C8orf34: variants seen among roughly 807,000 people sequenced by gnomAD.
The protein encoded by C8orf34 is chromosome 8 open reading frame 34.
C8orf34 carries 65 observed loss-of-function variants against 68.3 expected under a neutral mutation model. The observed-to-expected ratio is 0.95, with a 90% CI of 0.78 to 1.17. The LOEUF is 1.17. C8orf34 is among the 50% of genes most tolerant of loss of function. The pLI, the probability that C8orf34 is intolerant of heterozygous loss-of-function variation, is 0.00. For synonymous variants in C8orf34, 244 were observed against 241.2 expected, an observed-to-expected ratio of 1.01 and a Z score of -0.11; for missense variants, 664 against 655.4, an observed-to-expected ratio of 1.01 and a Z score of -0.14.
intron 8 of C8orf34, among the ~76,000 whole-genome samples, chr8:68,672,397 C>T (rs1056388073): frequency 6.6e-6 from 1 of 152,134 alleles, no homozygotes; most frequent in Non-Finnish European, 1.5e-5. Flanking sequence ...TTGCCAAGGC[C>T]ACCCTACACC....
At chr8:68,371,254 A>G (rs1807547948) in intron 1 of C8orf34, among the ~76,000 whole-genome samples, 1 of 152,142 alleles carries the variant, frequency 6.6e-6, no homozygotes, top group African/African-American at 2.4e-5. Flanking sequence ...TGTGAATTCA[A>G]ATTTCATTGT....
upstream of C8orf34, chr8:68,330,844 C>G (rs769839886): frequency 1.8e-6 from 1 of 553,536 alleles, no homozygotes; most frequent in Non-Finnish European, 3.0e-6. Flanking sequence ...GAGTTCGAGC[C>G]CCGCGGCCCC....
intron 12 of C8orf34, among the ~76,000 whole-genome samples, chr8:68,813,037 G>A (rs892169025): frequency 6.6e-6 from 1 of 152,302 alleles, no homozygotes; most frequent in African/African-American, 2.4e-5. Context: ...CACGTGCTTT[G>A]TCATGTATTG....
intron 7 of C8orf34, among the ~76,000 whole-genome samples, chr8:68,597,286 C>T (rs1817572475): frequency 6.6e-6 from 1 of 152,018 alleles, no homozygotes; most frequent in South Asian, 2.1e-4. Context: ...GTCACATGCG[C>T]ATTCTCATGT....
chr8:68,344,707 T>C (rs1394491158), intron 1 of C8orf34, among the ~76,000 whole-genome samples: 2 of 152,086 alleles, frequency 1.3e-5, no homozygotes, highest in African/African-American at 2.4e-5. Context: ...ATAGAAAGAA[T>C]AGAGCAAATT....
intron 1 of C8orf34, among the ~76,000 whole-genome samples, chr8:68,352,056 T>C (rs1585967023): frequency 6.6e-6 from 1 of 152,160 alleles, no homozygotes; most frequent in East Asian, 1.9e-4. Context: ...TTTTTTACTG[T>C]CGAGTTTTAA....
intron 8 of C8orf34, among the ~76,000 whole-genome samples, chr8:68,701,496 A>G (rs1220939201): frequency 6.6e-6 from 1 of 151,634 alleles, no homozygotes; most frequent in African/African-American, 2.4e-5. Flanking sequence ...TCTGTTGCTC[A>G]GGTCAGAAAT....
intron 10 of C8orf34, among the ~76,000 whole-genome samples, chr8:68,759,193 A>G (rs1822957650): frequency 6.6e-6 from 1 of 152,172 alleles, no homozygotes; most frequent in Non-Finnish European, 1.5e-5. Flanking sequence ...TACCCATTAT[A>G]TAGACATTCA....
intron 1 of C8orf34, among the ~76,000 whole-genome samples, chr8:68,418,781 T>G (rs537242808): frequency 1.5e-3 from 231 of 152,190 alleles, no homozygotes; most frequent in African/African-American, 4.4e-3. Context: ...TAGCCATATG[T>G]AGAAAGTTGA....
chr8:68,635,745 T>C (rs1306880643), intron 7 of C8orf34, among the ~76,000 whole-genome samples: 1 of 152,220 alleles, frequency 6.6e-6, no homozygotes, highest in African/African-American at 2.4e-5. Context: ...CTGTACAGTA[T>C]GCCTTTGAGC....
chr8:68,422,387 T>C (rs550844448), intron 1 of C8orf34, among the ~76,000 whole-genome samples: 8 of 152,308 alleles, frequency 5.3e-5, no homozygotes, highest in African/African-American at 1.7e-4. Flanking sequence ...ACAGGCCCCA[T>C]GCAAGTCCGA....
chr8:68,664,565 T>C (rs1819780031), intron 8 of C8orf34, among the ~76,000 whole-genome samples: 1 of 152,218 alleles, frequency 6.6e-6, no homozygotes, highest in African/African-American at 2.4e-5. Context: ...TAGATGATTT[T>C]GTCAAACTGT....
chr8:68,765,068 C>A (rs1317698519), intron 10 of C8orf34, among the ~76,000 whole-genome samples: 2 of 151,810 alleles, frequency 1.3e-5, no homozygotes, highest in Admixed American at 1.3e-4. Context: ...TTTTTTCCTG[C>A]CTTTCATTAT....
intron 2 of C8orf34, among the ~76,000 whole-genome samples, chr8:68,443,613 G>A (rs1228382789): frequency 6.6e-6 from 1 of 151,084 alleles, no homozygotes; most frequent in African/African-American, 2.4e-5. Flanking sequence ...TCACCATGTT[G>A]GTCAGGATGG....
intron 4 of C8orf34, among the ~76,000 whole-genome samples, chr8:68,482,193 A>G (rs969421205): frequency 6.6e-6 from 1 of 151,974 alleles, no homozygotes; most frequent in Non-Finnish European, 1.5e-5. Context: ...CTTCTTTCTC[A>G]TTTCCTCTTG....
chr8:68,785,442 T>C (rs150324630), intron 11 of C8orf34, among the ~76,000 whole-genome samples: 1 of 152,212 alleles, frequency 6.6e-6, no homozygotes, highest in East Asian at 1.9e-4. Context: ...AGAGTACATA[T>C]ATAGTGGTTT....
At position 68,342,252 on chromosome 8, in the gene C8orf34, A is replaced by G. The variant is rs568939761; in HGVS notation, c.327+10913A>G. Among the ~76,000 whole-genome samples, 30 of 152,348 alleles carry G rather than the reference A, an allele frequency of 2.0e-4. 1 individual carries two copies. The highest frequency in any genetic ancestry group is 5.8e-4 in the African/African-American group (24 of 41,576). The stretch of plus-strand genomic sequence containing the variant: ...AAAAACAAAACTTAAAAACAAGGAA[A>G]TTCTAAGGAAAGTTCTTAGAGATCT... On this transcript the variant is annotated intron_variant, in intron 1 of 13. Coordinates refer to ENST00000518698, the MANE Select transcript of C8orf34 (RefSeq NM_052958.4).
At chr8:68,337,813 T>G (rs1378372589) in intron 1 of C8orf34, among the ~76,000 whole-genome samples, 2 of 152,236 alleles carry the variant, frequency 1.3e-5, no homozygotes, top group Non-Finnish European at 2.9e-5. Flanking sequence ...TAAAGACAAT[T>G]TGCAATTCTG....
chr8:68,638,472 A>G (rs551261518), intron 7 of C8orf34, among the ~76,000 whole-genome samples: 8 of 152,190 alleles, frequency 5.3e-5, no homozygotes, highest in African/African-American at 1.9e-4. Context: ...CATTTCTTTT[A>G]GCTTCTGTAT....
Sources: allele counts gnomAD v4.1 joint callset (sites outside exome capture counted in the v4.1 genomes callset), GRCh38; gene constraint gnomAD v4.1.1; transcripts MANE v1.5; gene names NCBI Gene and HGNC (gene_info 2026-07-23, HGNC 2026-07-21).